The following SPOCK3 variants were observed in gnomAD, a reference collection of about 807,000 sequenced individuals.
SPOCK3 encodes the protein testican-3.
A neutral mutation model predicts 56.6 loss-of-function variants in SPOCK3; 30 were observed. The ratio of observed to expected loss-of-function variants is 0.53; its 90% CI spans 0.40 to 0.72. The LOEUF (loss-of-function observed/expected upper bound fraction) is 0.72. SPOCK3 is among the 30% of genes least tolerant of loss of function. The probability of loss-of-function intolerance (pLI) is 0.00; values close to 1 mark genes in which losing one functional copy is unlikely to be tolerated. For missense variants in SPOCK3, 527 were observed against 530.0 expected (o/e 0.99, Z 0.06); for synonymous variants, 196 against 183.3 (o/e 1.07, Z -0.56).
At chr4:167,094,165 T>G (rs1398580670) in intron 2 of SPOCK3, among the ~76,000 whole-genome samples, 1 of 152,128 alleles carries the variant, frequency 6.6e-6, no homozygotes, top group African/African-American at 2.4e-5. Flanking sequence ...AGGAGACCAT[T>G]TATTAAAATT....
intron 4 of SPOCK3, among the ~76,000 whole-genome samples, chr4:166,976,936 AATTT>A (rs1471387444): frequency 6.6e-6 from 1 of 151,702 alleles, no homozygotes; most frequent in Non-Finnish European, 1.5e-5. Flanking sequence ...TTAATAATTA[AATTT>A]ATTTAAAATT....
At chr4:167,216,643 T>C (rs557362394) in intron 2 of SPOCK3, among the ~76,000 whole-genome samples, 11 of 151,966 alleles carry the variant, frequency 7.2e-5, no homozygotes, top group Non-Finnish European at 1.3e-4. Flanking sequence ...GTCATTTAAA[T>C]TTTTTTTGCA....
chr4:166,786,272 T>C (rs1051684869), intron 7 of SPOCK3, among the ~76,000 whole-genome samples: 1 of 152,094 alleles, frequency 6.6e-6, no homozygotes, highest in Non-Finnish European at 1.5e-5. Context: ...AAGAATTATA[T>C]TAATCAAAAA....
intron 3 of SPOCK3, among the ~76,000 whole-genome samples, chr4:167,054,921 T>C (rs1223981721): frequency 6.6e-6 from 1 of 152,180 alleles, no homozygotes; most frequent in Non-Finnish European, 1.5e-5. Context: ...TATGCATATA[T>C]AGAAAGGAGT....
At chr4:166,828,758 TCA>T (rs2126786845) in intron 6 of SPOCK3, among the ~76,000 whole-genome samples, 1 of 152,032 alleles carries the variant, frequency 6.6e-6, no homozygotes, top group East Asian at 1.9e-4. Flanking sequence ...ATATAGGATA[TCA>T]CATACACAGT....
intron 4 of SPOCK3, among the ~76,000 whole-genome samples, chr4:166,929,817 A>G (rs1561021457): frequency 2.0e-5 from 3 of 152,206 alleles, no homozygotes; most frequent in Admixed American, 2.0e-4. Flanking sequence ...AGTCTAAGAT[A>G]TGTAAATTAT....
chr4:167,223,944 G>T (rs1736333598), intron 2 of SPOCK3, among the ~76,000 whole-genome samples: 1 of 151,890 alleles, frequency 6.6e-6, no homozygotes, highest in Admixed American at 6.6e-5. Context: ...GATATTTTGG[G>T]TGAGTGCATT....
At chr4:166,859,266 G>A (rs1263868786) in intron 6 of SPOCK3, among the ~76,000 whole-genome samples, 1 of 152,002 alleles carries the variant, frequency 6.6e-6, no homozygotes, top group East Asian at 1.9e-4. Flanking sequence ...TCAAAATATA[G>A]TTCTGTTATT....
At chr4:167,157,740 T>G (rs1001375955) in intron 2 of SPOCK3, among the ~76,000 whole-genome samples, 1 of 151,744 alleles carries the variant, frequency 6.6e-6, no homozygotes, top group African/African-American at 2.4e-5. Context: ...AGTGCAATTT[T>G]TATTATTGTT....
intron 6 of SPOCK3, among the ~76,000 whole-genome samples, chr4:166,843,748 C>T (rs747554354): frequency 6.6e-6 from 1 of 152,074 alleles, no homozygotes; most frequent in Non-Finnish European, 1.5e-5. Context: ...GCCACTAAGT[C>T]GTAATTTGTT....
In SPOCK3 at chr4:166,816,127, G is replaced by A. The variant is rs918805447; in HGVS notation, c.590-23838C>T. Among the ~76,000 whole-genome samples the A allele has an allele frequency of 5.9e-5, 9 of 152,006 alleles. No homozygotes were observed. In the East Asian group the frequency reaches 7.8e-4, roughly 13 times the overall value. On this transcript the variant is annotated intron_variant, in intron 6 of 10. Coordinates refer to ENST00000357545, the MANE Select transcript of SPOCK3 (RefSeq NM_001040159.2). ...ATAATTTCTGGTTTAATTGCAGTTC[G>A]TTTTGTCCTTTTCTGTCTTCTTTGG... is the stretch of plus-strand genomic sequence containing the variant.
At chr4:167,067,082 T>C (rs1294693680) in intron 2 of SPOCK3, among the ~76,000 whole-genome samples, 1 of 151,816 alleles carries the variant, frequency 6.6e-6, no homozygotes, top group African/African-American at 2.4e-5. Flanking sequence ...ACAGAATCAG[T>C]TGGGAATAGG....
intron 7 of SPOCK3, among the ~76,000 whole-genome samples, chr4:166,787,388 A>G: frequency 6.6e-6 from 1 of 152,200 alleles, no homozygotes; most frequent in East Asian, 1.9e-4. Flanking sequence ...AAATATAAAT[A>G]AGCACAAAAT....
At chr4:166,996,521 T>C (rs1228882862) in intron 4 of SPOCK3, among the ~76,000 whole-genome samples, 1 of 152,214 alleles carries the variant, frequency 6.6e-6, no homozygotes, top group Non-Finnish European at 1.5e-5. Flanking sequence ...AAACCCATCA[T>C]GTATTTCATA....
At chr4:167,073,275 TAAA>T (rs745563725) in intron 2 of SPOCK3, among the ~76,000 whole-genome samples, 1 of 151,734 alleles carries the variant, frequency 6.6e-6, no homozygotes, top group Non-Finnish European at 1.5e-5. Flanking sequence ...TTATATAACA[TAAA>T]AATGTTAAAT....
At chr4:166,895,136 C>G (rs1200301451) in intron 5 of SPOCK3, among the ~76,000 whole-genome samples, 1 of 151,902 alleles carries the variant, frequency 6.6e-6, no homozygotes, top group East Asian at 1.9e-4. Flanking sequence ...ATTAAAATAG[C>G]TTCAAGTAAA....
chr4:166,849,257 G>A (rs1748426402), intron 6 of SPOCK3, among the ~76,000 whole-genome samples: 1 of 152,126 alleles, frequency 6.6e-6, no homozygotes, highest in African/African-American at 2.4e-5. Flanking sequence ...CATAATTTAT[G>A]TGTGTGCATT....
At chr4:166,970,421 A>G (rs1745246952) in intron 4 of SPOCK3, among the ~76,000 whole-genome samples, 2 of 152,310 alleles carry the variant, frequency 1.3e-5, no homozygotes, top group African/African-American at 4.8e-5. Flanking sequence ...AATTCCAAAA[A>G]CAAGATTTCA....
At chr4:166,742,096 A>G (rs755152937) in intron 8 of SPOCK3, 37 bp from the exon 9 acceptor site, 2 of 1,454,160 alleles carry the variant, frequency 1.4e-6, no homozygotes, top group Non-Finnish European at 9.6e-7. Context: ...CAAGGATTCT[A>G]GTTAAACAAA....
Sources: allele counts gnomAD v4.1 joint callset (sites outside exome capture counted in the v4.1 genomes callset), GRCh38; gene constraint gnomAD v4.1.1; transcripts MANE v1.5; gene names NCBI Gene and HGNC (gene_info 2026-07-23, HGNC 2026-07-21).